EYA1: variants seen among roughly 807,000 people sequenced by gnomAD.
EYA1 encodes the protein protein phosphatase EYA1.
EYA1 carries 16 observed loss-of-function variants against 82.0 expected under a neutral mutation model. That is an observed-to-expected ratio of 0.20 (90% CI 0.13 to 0.30). The LOEUF (loss-of-function observed/expected upper bound fraction) is 0.30. EYA1 is among the 10% of genes least tolerant of loss of function. The pLI, the probability that EYA1 is intolerant of heterozygous loss-of-function variation, is 1.00. For missense variants in EYA1, 633 were observed against 730.7 expected, an observed-to-expected ratio of 0.87 and a Z score of 1.54; for synonymous variants, 261 against 264.4, an observed-to-expected ratio of 0.99 and a Z score of 0.12.
chr8:71,493,096 G>T (rs1037380236), intron 2 of EYA1, among the ~76,000 whole-genome samples: 1 of 152,118 alleles, frequency 6.6e-6, no homozygotes, highest in Non-Finnish European at 1.5e-5. Flanking sequence ...ACATGGTCTT[G>T]TTCTATTTTA....
chr8:71,252,975 C>A (rs1450598970), intron 11 of EYA1, among the ~76,000 whole-genome samples: 3 of 152,100 alleles, frequency 2.0e-5, no homozygotes, highest in Non-Finnish European at 4.4e-5. Context: ...AGTTTATCTA[C>A]AAATGTATGC....
chr8:71,282,352 CAA>C (rs1817904839), intron 9 of EYA1, among the ~76,000 whole-genome samples: 1 of 152,202 alleles, frequency 6.6e-6, no homozygotes, highest in Non-Finnish European at 1.5e-5. Flanking sequence ...CAGTGTACAG[CAA>C]AAGTCACTGA....
chr8:71,495,021 A>G (rs1811311192), intron 2 of EYA1, among the ~76,000 whole-genome samples: 1 of 152,080 alleles, frequency 6.6e-6, no homozygotes, highest in African/African-American at 2.4e-5. Flanking sequence ...AAGATACCAC[A>G]TTGCAAAACA....
In EYA1 at chr8:71,210,516, T is replaced by A. The variant is rs567451889; in HGVS notation, c.1698+640A>T. Among the ~76,000 whole-genome samples, 3 of 152,018 alleles carry A rather than the reference T, an allele frequency of 2.0e-5. No individual in the cohort carries two copies. The East Asian group carries it at 5.8e-4, about 29-fold the overall frequency. Reference sequence around the variant, plus strand: ...TGGTCCTTGGCTTTTAAAAATGCAATGAGAGGCCCAATGAGAAAGCTTTTG... The same window carrying A: ...TGGTCCTTGGCTTTTAAAAATGCAAAGAGAGGCCCAATGAGAAAGCTTTTG... On this transcript the variant is annotated intron_variant, in intron 17 of 17. Coordinates refer to ENST00000340726, the MANE Select transcript of EYA1 (RefSeq NM_000503.6).
At chr8:71,430,075 A>T (rs966017626) in intron 2 of EYA1, among the ~76,000 whole-genome samples, 3 of 152,206 alleles carry the variant, frequency 2.0e-5, no homozygotes, top group Admixed American at 6.5e-5. Context: ...AGCCAGAGCC[A>T]CTGTATAAAT....
chr8:71,335,191 C>G (rs1357563247), intron 3 of EYA1, among the ~76,000 whole-genome samples: 1 of 152,146 alleles, frequency 6.6e-6, no homozygotes, highest in Admixed American at 6.5e-5. Flanking sequence ...CATTAACATG[C>G]TTCCTAAAAC....
chr8:71,244,081 G>C (rs1585964807), intron 12 of EYA1, among the ~76,000 whole-genome samples: 1 of 152,194 alleles, frequency 6.6e-6, no homozygotes, highest in Admixed American at 6.5e-5. Flanking sequence ...TCTTACAAGA[G>C]TCTGCCCTGA....
chr8:71,366,258 C>G (rs1387195211), upstream of EYA1, among the ~76,000 whole-genome samples: 1 of 151,968 alleles, frequency 6.6e-6, no homozygotes, highest in African/African-American at 2.4e-5. Context: ...TGAGATAATG[C>G]AGGTGCTTAA....
At chr8:71,380,332 T>C (rs567310587) in intron 2 of EYA1, among the ~76,000 whole-genome samples, 1 of 152,192 alleles carries the variant, frequency 6.6e-6, no homozygotes, top group Non-Finnish European at 1.5e-5. Flanking sequence ...CTGAGGAGAA[T>C]TGCCTCCTTG....
At chr8:71,230,688 A>T (rs1811093204) in intron 12 of EYA1, among the ~76,000 whole-genome samples, 1 of 152,206 alleles carries the variant, frequency 6.6e-6, no homozygotes, top group Non-Finnish European at 1.5e-5. Flanking sequence ...AGAATAGAGA[A>T]ACTATGGCGA....
chr8:71,284,142 G>C (rs1019946591), intron 9 of EYA1, among the ~76,000 whole-genome samples: 2 of 152,184 alleles, frequency 1.3e-5, no homozygotes. Flanking sequence ...CCTCTGATGG[G>C]TACCTGCCTG....
chr8:71,512,926 A>G (rs1812705192), intron 2 of EYA1, among the ~76,000 whole-genome samples: 1 of 152,200 alleles, frequency 6.6e-6, no homozygotes, highest in African/African-American at 2.4e-5. Flanking sequence ...ACAAAGAAAG[A>G]TCATGGGATA....
In EYA1 at chr8:71,233,314, C is replaced by G. The variant is rs191705511; in HGVS notation, c.1140+11289G>C. Among the ~76,000 whole-genome samples the G allele has an allele frequency of 9.3e-4, 142 of 152,178 alleles. 1 individual carries two copies. The highest frequency in any genetic ancestry group is 3.1e-3 in the African/African-American group (127 of 41,526). ...GTGCGGTGGCTCATGCCTGTAATCC[C>G]AGCACTTTGGGAGGCCAAGGCGGGC... On this transcript the variant is annotated intron_variant, in intron 12 of 17. Coordinates refer to ENST00000340726, the MANE Select transcript of EYA1 (RefSeq NM_000503.6).
At chr8:71,327,226 TG>T (rs1330907049) in intron 4 of EYA1, among the ~76,000 whole-genome samples, 1 of 152,234 alleles carries the variant, frequency 6.6e-6, no homozygotes, top group Non-Finnish European at 1.5e-5. Context: ...GAACATTGCT[TG>T]GCATATAGCA....
intron 2 of EYA1, among the ~76,000 whole-genome samples, chr8:71,375,219 C>T (rs1231896625): frequency 6.6e-6 from 1 of 151,928 alleles, no homozygotes; most frequent in African/African-American, 2.4e-5. Context: ...GCAATAATTT[C>T]ACTATATATG....
chr8:71,332,490 T>G (rs1823998811), intron 4 of EYA1, among the ~76,000 whole-genome samples: 1 of 152,130 alleles, frequency 6.6e-6, no homozygotes, highest in East Asian at 1.9e-4. Context: ...AAATTCTACT[T>G]CGTAAATGAA....
chr8:71,332,540 G>A (rs17712087), intron 4 of EYA1, among the ~76,000 whole-genome samples: 28,353 of 151,976 alleles, frequency 0.19, 2,867 homozygotes, highest in South Asian at 0.23. Flanking sequence ...CATTGCCAGC[G>A]CTTTATTTCA....
At chr8:71,341,832 A>T (rs886159028) in intron 3 of EYA1, among the ~76,000 whole-genome samples, 10 of 152,204 alleles carry the variant, frequency 6.6e-5, no homozygotes, top group African/African-American at 1.9e-4. Context: ...CTTGAATTTA[A>T]GAGTATACAT....
At chr8:71,275,546 AGT>A (rs1214777900) in intron 9 of EYA1, among the ~76,000 whole-genome samples, 3 of 152,190 alleles carry the variant, frequency 2.0e-5, no homozygotes, top group Non-Finnish European at 4.4e-5. Context: ...AAAGAAATGC[AGT>A]GTGTGTACAA....
Sources: allele counts gnomAD v4.1 joint callset (sites outside exome capture counted in the v4.1 genomes callset), GRCh38; gene constraint gnomAD v4.1.1; transcripts MANE v1.5; gene names NCBI Gene and HGNC (gene_info 2026-07-23, HGNC 2026-07-21).